The following LIN9 variants were observed in gnomAD, a reference collection of about 807,000 sequenced individuals.
LIN9 encodes lin-9 DREAM MuvB core complex component, also known as protein lin-9 homolog.
LIN9 carries 18 observed loss-of-function variants against 78.0 expected under a neutral mutation model. That is an observed-to-expected ratio of 0.23 (90% CI 0.16 to 0.34). LIN9 has a LOEUF of 0.34. Ranked by LOEUF, LIN9 falls within the 10% of genes least tolerant of loss-of-function variation. The pLI is 1.00. For synonymous variants in LIN9, 192 were observed against 215.2 expected (o/e 0.89, Z 0.94); for missense variants, 451 against 644.1 (o/e 0.70, Z 3.25).
chr1:226,295,998 G>T, intron 3 of LIN9, 52 bp from the exon 4 acceptor site: 4 of 1,257,768 alleles, frequency 3.2e-6, no homozygotes, highest in Non-Finnish European at 3.4e-6. Flanking sequence ...TCCCATTTTT[G>T]TTCCAAAATA....
rs1223993786 is a variant in LIN9, at chr1:226,293,578, T to C, written c.264+2264A>G. Among the ~76,000 whole-genome samples, 3 of 152,216 alleles carry C rather than the reference T, an allele frequency of 2.0e-5. 1 individual carries two copies. ...AGATCAAACTATTATTATTTTTAAA[T>C]TTATTTTAATTTATTTTTTGAGACA... is the stretch of plus-strand genomic sequence containing the variant. On this transcript the variant is annotated intron_variant, in intron 4 of 14. Transcript: ENST00000681046.
chr1:226,264,386 A>C (rs1194733758), intron 10 of LIN9, among the ~76,000 whole-genome samples: 2 of 151,984 alleles, frequency 1.3e-5, no homozygotes, highest in East Asian at 3.9e-4. Flanking sequence ...CAAATAAAAT[A>C]AATAAACAAA....
At chr1:226,288,857 C>G (rs530151197) in intron 4 of LIN9, among the ~76,000 whole-genome samples, 1 of 152,168 alleles carries the variant, frequency 6.6e-6, no homozygotes, top group African/African-American at 2.4e-5. Context: ...TTAGTCCAAT[C>G]CCAGTCAAAA....
intron 7 of LIN9, among the ~76,000 whole-genome samples, chr1:226,271,433 T>C (rs943520026): frequency 2.0e-5 from 3 of 152,232 alleles, no homozygotes; most frequent in Non-Finnish European, 2.9e-5. Flanking sequence ...TTAAATTCTA[T>C]TGTGGTCAGA....
At chr1:226,261,057 G>C (rs1558172421) in intron 10 of LIN9, among the ~76,000 whole-genome samples, 1 of 151,808 alleles carries the variant, frequency 6.6e-6, no homozygotes, top group East Asian at 1.9e-4. Context: ...ATTGATAGAG[G>C]CAAAGTATTT....
intron 10 of LIN9, among the ~76,000 whole-genome samples, chr1:226,254,487 T>G (rs1269584521): frequency 6.6e-6 from 1 of 152,136 alleles, no homozygotes; most frequent in African/African-American, 2.4e-5. Flanking sequence ...GCTTTACATA[T>G]AGATTATAAA....
chr1:226,302,913 C>T (rs1000110835), intron 1 of LIN9, among the ~76,000 whole-genome samples: 5 of 152,300 alleles, frequency 3.3e-5, no homozygotes, highest in East Asian at 1.9e-4. Context: ...TTTTCCTCCA[C>T]AGGTCTGTGT....
At chr1:226,293,893 A>T (rs1310312715) in intron 4 of LIN9, among the ~76,000 whole-genome samples, 1 of 152,226 alleles carries the variant, frequency 6.6e-6, no homozygotes, top group African/African-American at 2.4e-5. Flanking sequence ...TTGAAGTTCA[A>T]GATACATTTT....
intron 1 of LIN9, among the ~76,000 whole-genome samples, chr1:226,305,435 G>T (rs1160055187): frequency 6.7e-6 from 1 of 150,324 alleles, no homozygotes; most frequent in African/African-American, 2.5e-5. Flanking sequence ...CAAGGCTGCA[G>T]TGAGCCACGA....
chr1:226,262,716 C>A (rs1229988097), intron 10 of LIN9, among the ~76,000 whole-genome samples: 1 of 152,188 alleles, frequency 6.6e-6, no homozygotes, highest in Non-Finnish European at 1.5e-5. Context: ...CACTTTAGAA[C>A]ACAGCTTGTC....
chr1:226,235,819 GC>G (rs1366521556), intron 12 of LIN9, among the ~76,000 whole-genome samples: 2 of 152,102 alleles, frequency 1.3e-5, no homozygotes, highest in Non-Finnish European at 2.9e-5. Flanking sequence ...ATTCCTTCTT[GC>G]TCACCAACTC....
intron 10 of LIN9, among the ~76,000 whole-genome samples, chr1:226,260,111 C>G (rs555569647): frequency 6.6e-6 from 1 of 152,102 alleles, no homozygotes; most frequent in Non-Finnish European, 1.5e-5. Flanking sequence ...AAGATAAACT[C>G]CTTGAAATTT....
At chr1:226,238,943 T>C (rs747865509) in intron 12 of LIN9, 28 bp downstream of exon 12, 2 of 1,590,442 alleles carry the variant, frequency 1.3e-6, no homozygotes, top group Middle Eastern at 1.7e-4. Flanking sequence ...AATACAAATA[T>C]GGAGGGAAAT....
chr1:226,284,632 G>A (rs1661288387), intron 6 of LIN9, among the ~76,000 whole-genome samples: 2 of 152,132 alleles, frequency 1.3e-5, no homozygotes, highest in African/African-American at 2.4e-5. Flanking sequence ...GCTGAGGCAG[G>A]AGAATCACTT....
chr1:226,288,041 G>A (rs552081304), intron 4 of LIN9, among the ~76,000 whole-genome samples: 36 of 151,190 alleles, frequency 2.4e-4, no homozygotes, highest in Middle Eastern at 3.4e-3. Context: ...GCACAATCTC[G>A]GCTCACTGCA....
intron 1 of LIN9, among the ~76,000 whole-genome samples, chr1:226,302,208 G>A (rs1162554476): frequency 6.6e-6 from 1 of 152,166 alleles, no homozygotes; most frequent in Non-Finnish European, 1.5e-5. Context: ...ACAGGTTCTG[G>A]TGTGAATGAA....
Position 226,232,220 on chromosome 1 carries a change from A to G in LIN9, c.*281T>C, listed in dbSNP as rs999628781. 4 of 401,338 alleles carry G rather than the reference A, an allele frequency of 1.0e-5. No individual in the cohort carries two copies. The highest frequency in any genetic ancestry group is 8.2e-5 in the African/African-American group (4 of 48,656). 24.9% of individuals were successfully genotyped at this position (401,338 alleles called of 1,614,324 possible). A position where few individuals can be genotyped will look rare whatever the true frequency, so the allele number is the denominator to read the frequency against. On this transcript the variant is annotated 3_prime_UTR_variant, in exon 15 of 15. Coordinates refer to ENST00000681046, the MANE Select transcript of LIN9 (RefSeq NM_001366245.2). ...AATGGTCAATGTATTCTTCCACGAA[A>G]TTATATTATGTTCAGATATTTCAGT...
intron 1 of LIN9, among the ~76,000 whole-genome samples, chr1:226,308,570 G>C (rs1347286452): frequency 6.6e-6 from 1 of 152,220 alleles, no homozygotes; most frequent in Non-Finnish European, 1.5e-5. Flanking sequence ...ACACCGGTGG[G>C]GGGGTGGGGA....
intron 7 of LIN9, among the ~76,000 whole-genome samples, chr1:226,276,589 C>G (rs1268035157): frequency 6.6e-6 from 1 of 152,108 alleles, no homozygotes; most frequent in Non-Finnish European, 1.5e-5. Flanking sequence ...ATAATGGAAA[C>G]AAGTACCACT....
Sources: allele counts gnomAD v4.1 joint callset (sites outside exome capture counted in the v4.1 genomes callset), GRCh38; gene constraint gnomAD v4.1.1; transcripts MANE v1.5; gene names NCBI Gene and HGNC (gene_info 2026-07-23, HGNC 2026-07-21).